The following NLGN1 variants were observed in gnomAD, a reference collection of about 807,000 sequenced individuals.
The protein encoded by NLGN1 is neuroligin 1.
NLGN1 carries 12 observed loss-of-function variants against 65.5 expected under a neutral mutation model. The ratio of observed to expected loss-of-function variants is 0.18; its 90% CI spans 0.12 to 0.30. The LOEUF is 0.30. Among genes scored for constraint, NLGN1 ranks in the 10% least tolerant of loss-of-function variants. The pLI, the probability that NLGN1 is intolerant of heterozygous loss-of-function variation, is 1.00. For missense variants in NLGN1, 750 were observed against 1,007.1 expected (o/e 0.74, Z 3.46); for synonymous variants, 350 against 359.5 (o/e 0.97, Z 0.30).
intron 4 of NLGN1, among the ~76,000 whole-genome samples, chr3:173,873,984 G>A (rs1004413221): frequency 1.3e-5 from 2 of 152,156 alleles, no homozygotes; most frequent in Non-Finnish European, 2.9e-5. Context: ...ACAACACACA[G>A]ACCAAGGGGC....
chr3:173,455,728 A>ATG (rs1362137090), intron 2 of NLGN1, among the ~76,000 whole-genome samples: 2 of 152,104 alleles, frequency 1.3e-5, no homozygotes, highest in African/African-American at 4.8e-5. Context: ...GTGTATATAT[A>ATG]TGTGTGTATA....
chr3:173,686,189 T>G (rs958475556), intron 3 of NLGN1, among the ~76,000 whole-genome samples: 1 of 152,110 alleles, frequency 6.6e-6, no homozygotes. Flanking sequence ...GTGGAGACAT[T>G]TTAGCTTATT....
chr3:173,918,840 T>C (rs1324558300), intron 4 of NLGN1, among the ~76,000 whole-genome samples: 1 of 152,042 alleles, frequency 6.6e-6, no homozygotes, highest in Non-Finnish European at 1.5e-5. Flanking sequence ...TATTATTTTA[T>C]AGTCCTAAAA....
At chr3:173,653,944 G>A (rs1304619787) in intron 3 of NLGN1, among the ~76,000 whole-genome samples, 4 of 152,118 alleles carry the variant, frequency 2.6e-5, no homozygotes, top group Non-Finnish European at 5.9e-5. Flanking sequence ...ATCCTTGTCA[G>A]CAACCTTGGC....
chr3:173,740,787 T>C (rs931734794), intron 3 of NLGN1, among the ~76,000 whole-genome samples: 1 of 151,998 alleles, frequency 6.6e-6, no homozygotes, highest in Non-Finnish European at 1.5e-5. Context: ...GATTTTGGAA[T>C]TGAAAAATAA....
intron 2 of NLGN1, among the ~76,000 whole-genome samples, chr3:173,511,957 C>G (rs1289769969): frequency 6.6e-6 from 1 of 152,130 alleles, no homozygotes. Context: ...AGATTCATGA[C>G]AGGGGTGCAT....
At chr3:174,124,123 A>AAG (rs1182947758) in intron 4 of NLGN1, among the ~76,000 whole-genome samples, 3 of 152,098 alleles carry the variant, frequency 2.0e-5, no homozygotes, top group African/African-American at 7.2e-5. Flanking sequence ...ACAAGCCAGA[A>AAG]AGAGAGACCT....
intron 4 of NLGN1, among the ~76,000 whole-genome samples, chr3:174,167,884 C>T (rs73035621): frequency 1.6e-3 from 247 of 151,722 alleles, no homozygotes; most frequent in African/African-American, 4.8e-3. Flanking sequence ...ATTTCTCAAA[C>T]GCTTTCCTCA....
At chr3:173,916,456 C>G (rs752937794) in intron 4 of NLGN1, among the ~76,000 whole-genome samples, 27 of 152,132 alleles carry the variant, frequency 1.8e-4, no homozygotes, top group Non-Finnish European at 3.4e-4. Context: ...CACATTATTG[C>G]AATATAGCCT....
chr3:173,777,123 A>C (rs902483272), intron 3 of NLGN1, among the ~76,000 whole-genome samples: 1 of 152,012 alleles, frequency 6.6e-6, no homozygotes, highest in African/African-American at 2.4e-5. Flanking sequence ...CACCTCATCT[A>C]TAAAATAAGG....
intron 4 of NLGN1, among the ~76,000 whole-genome samples, chr3:173,924,461 C>T (rs1484592147): frequency 6.6e-6 from 1 of 151,762 alleles, no homozygotes; most frequent in African/African-American, 2.4e-5. Context: ...GATAGTAGGT[C>T]TTAAATTGAT....
intron 2 of NLGN1, among the ~76,000 whole-genome samples, chr3:173,447,991 A>G (rs1720707265): frequency 6.6e-6 from 1 of 152,202 alleles, no homozygotes; most frequent in Admixed American, 6.5e-5. Flanking sequence ...CAGATATACA[A>G]TCATGTCATC....
chr3:174,169,196 G>C (rs1276430121), intron 4 of NLGN1, among the ~76,000 whole-genome samples: 5 of 152,046 alleles, frequency 3.3e-5, no homozygotes, highest in Non-Finnish European at 7.4e-5. Context: ...ATGTAGCAGA[G>C]AGGGTACTCC....
chr3:173,822,690 A>G (rs1259805162), intron 4 of NLGN1, among the ~76,000 whole-genome samples: 1 of 152,040 alleles, frequency 6.6e-6, no homozygotes, highest in African/African-American at 2.4e-5. Flanking sequence ...TGATCCGTTA[A>G]TATAGGAAAT....
At chr3:173,743,958 T>C (rs973532041) in intron 3 of NLGN1, among the ~76,000 whole-genome samples, 1 of 152,290 alleles carries the variant, frequency 6.6e-6, no homozygotes, top group Non-Finnish European at 1.5e-5. Context: ...ATCACAACTT[T>C]TTAAATTTAA....
In NLGN1 at chr3:173,487,859, A is replaced by G. The variant is rs142702970; in HGVS notation, c.-321+52781A>G. Among the ~76,000 whole-genome samples, 790 of 152,134 alleles carry G rather than the reference A, an allele frequency of 5.2e-3. 5 individuals carry two copies. The highest frequency in any genetic ancestry group is 0.018 in the African/African-American group (742 of 41,558). ...GTTATGTTTTAATAGTTTTTTAAAC[A>G]GTAAGCAGCTGTTATTTTCAATGCA... is the stretch of plus-strand genomic sequence containing the variant. On this transcript the variant is annotated intron_variant, in intron 2 of 6. Transcript: ENST00000457714.
chr3:174,284,695 A>G (rs1259413372), exon 7 of NLGN1: 1 of 151,382 alleles, frequency 6.6e-6, no homozygotes, highest in Non-Finnish European at 1.5e-5. Flanking sequence ...TATGAACAAA[A>G]TCTAATTGGC....
chr3:173,827,325 A>G (rs576249059), intron 4 of NLGN1, among the ~76,000 whole-genome samples: 2 of 152,174 alleles, frequency 1.3e-5, no homozygotes, highest in East Asian at 3.9e-4. Context: ...ATAAATAAAC[A>G]TACGATATTT....
At chr3:173,701,018 G>T (rs974786998) in intron 3 of NLGN1, among the ~76,000 whole-genome samples, 1 of 151,940 alleles carries the variant, frequency 6.6e-6, no homozygotes, top group African/African-American at 2.4e-5. Flanking sequence ...CCAGCTACTC[G>T]GGAGGCTGAG....
Sources: allele counts gnomAD v4.1 joint callset (sites outside exome capture counted in the v4.1 genomes callset), GRCh38; gene constraint gnomAD v4.1.1; transcripts MANE v1.5; gene names NCBI Gene and HGNC (gene_info 2026-07-23, HGNC 2026-07-21).